The following SLC15A1 variants were observed in gnomAD, a reference collection of about 807,000 sequenced individuals.
SLC15A1 encodes Caco-2 oligopeptide transporter.
Under a neutral mutation model 92.9 loss-of-function variants are expected in SLC15A1, and 83 were observed. The observed-to-expected ratio is 0.89, with a 90% CI of 0.75 to 1.07. SLC15A1 has a LOEUF of 1.07. Among genes scored for constraint, SLC15A1 ranks in the 50% least tolerant of loss-of-function variants. The probability of loss-of-function intolerance (pLI) is 0.00; values close to 1 mark genes in which losing one functional copy is unlikely to be tolerated. For missense variants in SLC15A1, 857 were observed against 880.1 expected (o/e 0.97, Z 0.33); for synonymous variants, 322 against 318.2 (o/e 1.01, Z -0.13).
chr13:98,715,511 A>T (rs758735879), intron 9 of SLC15A1, among the ~76,000 whole-genome samples: 5 of 152,186 alleles, frequency 3.3e-5, no homozygotes, highest in Non-Finnish European at 5.9e-5. Flanking sequence ...AGCATGACTG[A>T]CTTGAAGCAA....
chr13:98,746,508 G>A (rs1482782107), intron 1 of SLC15A1, among the ~76,000 whole-genome samples: 2 of 152,088 alleles, frequency 1.3e-5, no homozygotes, highest in East Asian at 3.9e-4. Flanking sequence ...TCTCTGCAAG[G>A]TGTTTTGATT....
intron 1 of SLC15A1, among the ~76,000 whole-genome samples, chr13:98,741,340 C>T (rs1218255325): frequency 6.6e-6 from 1 of 152,154 alleles, no homozygotes; most frequent in Non-Finnish European, 1.5e-5. Context: ...GGAGCAGGCA[C>T]GGTGGCTCAC....
At position 98,704,477 on chromosome 13, in the gene SLC15A1, C is replaced by T. The variant is rs778437988; in HGVS notation, c.1270-42G>A. On this transcript the variant is annotated intron_variant, in intron 16 of 22. Transcript: ENST00000376503. ...AGAGGCATAGTTAATATCACAGAGT[C>T]TCGGCACTATGCAACTGAACGCTGG... 7 of 1,574,944 alleles carry T rather than the reference C, an allele frequency of 4.4e-6. No individual in the cohort carries two copies. In the South Asian group the frequency reaches 7.0e-5, roughly 16 times the overall value.
chr13:98,730,710 C>T (rs1222520970), intron 1 of SLC15A1, among the ~76,000 whole-genome samples: 3 of 152,254 alleles, frequency 2.0e-5, no homozygotes, highest in Admixed American at 6.5e-5. Flanking sequence ...GCCTCCGCGC[C>T]GCTTCCCACA....
intron 17 of SLC15A1, 39 bp from the exon 18 acceptor site, chr13:98,702,568 T>C: frequency 1.4e-6 from 2 of 1,456,434 alleles, no homozygotes; most frequent in South Asian, 2.3e-5. Context: ...ATTTTCAAAA[T>C]AATATTCATT....
At chr13:98,704,924 C>T (rs1162157795) in intron 16 of SLC15A1, among the ~76,000 whole-genome samples, 13 of 151,892 alleles carry the variant, frequency 8.6e-5, no homozygotes, top group Admixed American at 7.9e-4. Flanking sequence ...TAGGGCTGGG[C>T]GCGGTGGTTC....
In SLC15A1 at chr13:98,726,181, A is replaced by G; in HGVS notation, c.187T>C (p.Cys63Arg). Reference protein sequence around the residue: ...TAIYHTFVALCYLTPILGALI... With the variant: ...TAIYHTFVALRYLTPILGALI... ...GCTCCGAGAATTGGCGTCAGGTAGC[A>G]CAGAGCCACAAACGTATGGTAGATG... Residue 63 changes from cysteine (C) to arginine (R), a missense_variant, in exon 4 of 23, where the codon TGC (cysteine) becomes CGC (arginine). By Grantham distance (180) the Cys-to-Arg change is radical. Coordinates refer to ENST00000376503, the MANE Select transcript of SLC15A1 (RefSeq NM_005073.4). 2 of 1,614,174 alleles carry G rather than the reference A, an allele frequency of 1.2e-6. No homozygotes were observed. Among genetic ancestry groups the G allele is most frequent in the Admixed American group, 1.7e-5 (1 of 60,022 alleles).
intron 22 of SLC15A1, 78 bp downstream of exon 22, chr13:98,686,112 G>C (rs776140110): frequency 6.7e-6 from 7 of 1,045,732 alleles, no homozygotes; most frequent in Non-Finnish European, 1.0e-5. Flanking sequence ...AGAGCACACA[G>C]ATGGCTAGGG....
chr13:98,745,054 AC>A (rs1383796396), intron 1 of SLC15A1, among the ~76,000 whole-genome samples: 1 of 152,188 alleles, frequency 6.6e-6, no homozygotes, highest in Admixed American at 6.5e-5. Context: ...CTGCCTGGAA[AC>A]TTTATCTGCA....
At chr13:98,688,605 A>T in intron 18 of SLC15A1, 28 bp from the exon 19 acceptor site, 1 of 1,515,068 alleles carries the variant, frequency 6.6e-7, no homozygotes, top group Non-Finnish European at 9.2e-7. Flanking sequence ...CTGTCTTGTA[A>T]CTGAACTAGA....
intron 1 of SLC15A1, among the ~76,000 whole-genome samples, chr13:98,748,559 C>T (rs1170016214): frequency 4.6e-5 from 7 of 152,276 alleles, no homozygotes; most frequent in South Asian, 2.1e-4. Context: ...CCTCTCCAAA[C>T]GCTGAGATTA....
chr13:98,735,007 A>G (rs1181182695), intron 1 of SLC15A1, among the ~76,000 whole-genome samples: 1 of 152,248 alleles, frequency 6.6e-6, no homozygotes, highest in African/African-American at 2.4e-5. Flanking sequence ...TCCTGATACC[A>G]AAGTCTGGCA....
chr13:98,716,060 A>G, intron 8 of SLC15A1, 100 bp from the exon 9 acceptor site: 1 of 989,930 alleles, frequency 1.0e-6, no homozygotes, highest in East Asian at 2.4e-5. Context: ...TTGTTTTGGG[A>G]TAATGGGATT....
At chr13:98,728,977 T>TA (rs71218592) in intron 1 of SLC15A1, among the ~76,000 whole-genome samples, 4,114 of 13,846 alleles carry the variant, frequency 0.3, 1,310 homozygotes, top group Non-Finnish European at 0.38. Flanking sequence ...TAAGGCTCTG[T>TA]AAAAAAAAAA....
chr13:98,735,490 A>C (rs1475651970), intron 1 of SLC15A1, among the ~76,000 whole-genome samples: 1 of 152,256 alleles, frequency 6.6e-6, no homozygotes, highest in African/African-American at 2.4e-5. Context: ...TGGCCAGGGC[A>C]ATCAGGCAAG....
At chr13:98,692,936 G>A (rs1288814688) in intron 18 of SLC15A1, among the ~76,000 whole-genome samples, 1 of 151,710 alleles carries the variant, frequency 6.6e-6, no homozygotes, top group African/African-American at 2.4e-5. Flanking sequence ...ACAGGGTTTT[G>A]CCATATTGCT....
intron 8 of SLC15A1, among the ~76,000 whole-genome samples, chr13:98,716,894 C>T (rs566067302): frequency 1.3e-5 from 2 of 152,130 alleles, no homozygotes; most frequent in East Asian, 3.9e-4. Context: ...TAGAAAAAAA[C>T]CATTCTAGGG....
chr13:98,708,184 TACC>T (rs2088131214), intron 15 of SLC15A1, among the ~76,000 whole-genome samples: 1 of 152,032 alleles, frequency 6.6e-6, no homozygotes, highest in Non-Finnish European at 1.5e-5. Flanking sequence ...AAGAGACCCT[TACC>T]CACCACATAA....
intron 7 of SLC15A1, chr13:98,720,671 C>A (rs1468879226): frequency 5.6e-6 from 1 of 180,038 alleles, no homozygotes; most frequent in African/African-American, 2.4e-5. Flanking sequence ...CAAGCACAAA[C>A]CTCTGATAGT....
Sources: allele counts gnomAD v4.1 joint callset (sites outside exome capture counted in the v4.1 genomes callset), GRCh38; gene constraint gnomAD v4.1.1; transcripts MANE v1.5; gene names NCBI Gene and HGNC (gene_info 2026-07-23, HGNC 2026-07-21).